The following ANO3 variants were observed in gnomAD, a reference collection of about 807,000 sequenced individuals.
ANO3 encodes the protein anoctamin-3.
ANO3 carries 99 observed loss-of-function variants against 144.8 expected under a neutral mutation model. The ratio of observed to expected loss-of-function variants is 0.68; its 90% CI spans 0.58 to 0.81. The LOEUF is 0.81. Ranked by LOEUF, ANO3 falls within the 30% of genes least tolerant of loss-of-function variation. The pLI is 0.00. For missense variants in ANO3, 905 were observed against 1,202.2 expected (o/e 0.75, Z 3.66); for synonymous variants, 414 against 392.6 (o/e 1.05, Z -0.64).
intron 1 of ANO3, among the ~76,000 whole-genome samples, chr11:26,341,520 A>T (rs1173804103): frequency 6.6e-6 from 1 of 152,156 alleles, no homozygotes; most frequent in Non-Finnish European, 1.5e-5. Flanking sequence ...TTGCTTATAA[A>T]CCATTTAATA....
chr11:26,580,244 A>C (rs139850325), intron 14 of ANO3, among the ~76,000 whole-genome samples: 133 of 152,174 alleles, frequency 8.7e-4, no homozygotes, highest in African/African-American at 3.0e-3. Context: ...TCTTTATATG[A>C]TGTTTAAAAA....
intron 1 of ANO3, chr11:26,427,278 A>G (rs1229420658): frequency 1.3e-5 from 2 of 156,958 alleles, no homozygotes; most frequent in Non-Finnish European, 2.9e-5. Flanking sequence ...ACCTGTATTT[A>G]TAGGCGCCTC....
intron 4 of ANO3, among the ~76,000 whole-genome samples, chr11:26,474,779 C>A (rs1859899667): frequency 6.6e-6 from 1 of 151,694 alleles, no homozygotes; most frequent in Non-Finnish European, 1.5e-5. Flanking sequence ...AAGATAAGAT[C>A]ATGTAGCATA....
intron 1 of ANO3, among the ~76,000 whole-genome samples, chr11:26,428,997 A>T (rs1313825381): frequency 6.6e-6 from 1 of 152,204 alleles, no homozygotes; most frequent in Admixed American, 6.5e-5. Flanking sequence ...GCTGAGTCGT[A>T]GACCTTGCTA....
intron 4 of ANO3, among the ~76,000 whole-genome samples, chr11:26,495,257 C>G (rs1179092149): frequency 6.9e-6 from 1 of 145,554 alleles, no homozygotes; most frequent in Non-Finnish European, 1.5e-5. Context: ...GACGTGCCAC[C>G]ACGGCTGGCT....
chr11:26,273,632 GCACACACACACACACACA>G (rs3220654), intron 1 of ANO3, among the ~76,000 whole-genome samples: 4 of 140,280 alleles, frequency 2.9e-5, no homozygotes, highest in East Asian at 4.3e-4. Flanking sequence ...TGTGGATATG[GCACACACACACACACACA>G]CACACACACA....
intron 1 of ANO3, among the ~76,000 whole-genome samples, chr11:26,407,070 G>GTATATATATATATATATATA (rs202060948): frequency 5.9e-5 from 6 of 101,368 alleles, no homozygotes; most frequent in East Asian, 3.2e-4. Context: ...GTGTGTGTGT[G>GTATATATATATATATATATA]TGTGTGTATA....
At chr11:26,374,074 A>G (rs373884564) in intron 1 of ANO3, among the ~76,000 whole-genome samples, 1 of 152,336 alleles carries the variant, frequency 6.6e-6, no homozygotes, top group Admixed American at 6.5e-5. Flanking sequence ...GAGACATTAC[A>G]TGCTTCCAGG....
rs7942776 is a variant in ANO3, at chr11:26,634,009, C to T, written c.1874-195C>T. Among the ~76,000 whole-genome samples the T allele has an allele frequency of 0.36, 52,528 of 147,942 alleles. 9,731 individuals carry two copies. The highest frequency in any genetic ancestry group is 0.48 in the South Asian group (2,265 of 4,718). On this transcript the variant is annotated intron_variant, in intron 18 of 26. Coordinates refer to ENST00000256737, the MANE Select transcript of ANO3 (RefSeq NM_031418.4). ...AGAAGAATTGCTTGAACCTGGGAGG[C>T]ACAGGTTGCAGTGAGCCAAGATTGT...
intron 23 of ANO3, among the ~76,000 whole-genome samples, chr11:26,644,172 A>G (rs59805702): frequency 0.011 from 1,704 of 152,332 alleles, 43 homozygotes; most frequent in African/African-American, 0.039. Flanking sequence ...ATTTTTAGTT[A>G]TGAAAATAAT....
At chr11:26,623,479 T>C (rs887825311) in intron 17 of ANO3, among the ~76,000 whole-genome samples, 1 of 152,224 alleles carries the variant, frequency 6.6e-6, no homozygotes, top group African/African-American at 2.4e-5. Context: ...GTGAAATGTA[T>C]GCCCTTTTCT....
At chr11:26,381,479 T>G (rs1468519958) in intron 1 of ANO3, among the ~76,000 whole-genome samples, 1 of 152,188 alleles carries the variant, frequency 6.6e-6, no homozygotes, top group African/African-American at 2.4e-5. Context: ...AGCATTTACA[T>G]TATATCCCAT....
chr11:26,293,470 C>T (rs1395782770), intron 1 of ANO3, among the ~76,000 whole-genome samples: 1 of 139,008 alleles, frequency 7.2e-6, no homozygotes. Flanking sequence ...GAGATCTATG[C>T]TTCTGGAAAT....
At chr11:26,209,629 A>G (rs1220087379) in intron 1 of ANO3, among the ~76,000 whole-genome samples, 2 of 152,296 alleles carry the variant, frequency 1.3e-5, no homozygotes, top group South Asian at 4.1e-4. Context: ...AAGCGTTCCT[A>G]TTTCTCATCT....
At chr11:26,219,751 T>A (rs1481639920) in intron 1 of ANO3, among the ~76,000 whole-genome samples, 1 of 152,104 alleles carries the variant, frequency 6.6e-6, no homozygotes, top group Non-Finnish European at 1.5e-5. Context: ...AGCAAATGTA[T>A]TACTTACAGA....
chr11:26,359,876 AG>A, intron 1 of ANO3, among the ~76,000 whole-genome samples: 1 of 149,498 alleles, frequency 6.7e-6, no homozygotes, highest in Non-Finnish European at 1.5e-5. Flanking sequence ...ATGTCAGACT[AG>A]TGTGTGTGTG....
chr11:26,622,216 C>CT (rs1852435801), intron 17 of ANO3, among the ~76,000 whole-genome samples: 1 of 152,026 alleles, frequency 6.6e-6, no homozygotes, highest in Non-Finnish European at 1.5e-5. Flanking sequence ...TAATTTATAA[C>CT]TTTTTTCCCA....
chr11:26,526,167 G>T (rs1849158008), intron 7 of ANO3, among the ~76,000 whole-genome samples: 2 of 152,024 alleles, frequency 1.3e-5, no homozygotes, highest in South Asian at 4.1e-4. Flanking sequence ...TCTAACCCCG[G>T]AAGGTACCGC....
At chr11:26,542,589 A>G (rs947212195) in intron 11 of ANO3, among the ~76,000 whole-genome samples, 7 of 152,106 alleles carry the variant, frequency 4.6e-5, no homozygotes, top group African/African-American at 1.4e-4. Flanking sequence ...AAAAGCCAGA[A>G]AGTGGATCTA....
Sources: gnomAD v4.1 joint callset for allele counts (sites outside exome capture counted in the v4.1 genomes callset) on GRCh38, gnomAD v4.1.1 for gene constraint, MANE v1.5 for transcripts, NCBI Gene and HGNC (gene_info 2026-07-23, HGNC 2026-07-21) for gene names.